The following SH3GL2 variants were observed in gnomAD, a reference collection of about 807,000 sequenced individuals.
The protein encoded by SH3GL2 is SH3 domain containing GRB2 like 2, endophilin A1, also known as endophilin-A1.
SH3GL2 carries 24 observed loss-of-function variants against 46.0 expected under a neutral mutation model. The observed-to-expected ratio is 0.52, with a 90% CI of 0.38 to 0.73. The LOEUF (loss-of-function observed/expected upper bound fraction) is 0.73. Ranked by LOEUF, SH3GL2 falls within the 30% of genes least tolerant of loss-of-function variation. The probability of loss-of-function intolerance (pLI) is 0.00; values close to 1 mark genes in which losing one functional copy is unlikely to be tolerated. For missense variants in SH3GL2, 413 were observed against 424.2 expected (o/e 0.97, Z 0.23); for synonymous variants, 196 against 147.1 (o/e 1.33, Z -2.40).
intron 1 of SH3GL2, among the ~76,000 whole-genome samples, chr9:17,738,654 A>AGAGAGAGATT (rs1348887216): frequency 7.5e-6 from 1 of 133,360 alleles, no homozygotes; most frequent in Non-Finnish European, 1.7e-5. Flanking sequence ...AGAGAGAGAG[A>AGAGAGAGATT]GAGAGAGAGA....
intron 1 of SH3GL2, among the ~76,000 whole-genome samples, chr9:17,650,531 C>T (rs1454683340): frequency 6.6e-6 from 1 of 151,970 alleles, no homozygotes; most frequent in Non-Finnish European, 1.5e-5. Flanking sequence ...GCCACCACGC[C>T]TGGCTAATTT....
chr9:17,614,013 T>C (rs563999070), intron 1 of SH3GL2, among the ~76,000 whole-genome samples: 49 of 151,986 alleles, frequency 3.2e-4, no homozygotes, highest in African/African-American at 1.1e-3. Context: ...CTTGTCTCCT[T>C]CTCCTTCTTT....
chr9:17,663,368 C>G (rs549520036), intron 1 of SH3GL2, among the ~76,000 whole-genome samples: 3 of 152,062 alleles, frequency 2.0e-5, no homozygotes, highest in African/African-American at 7.2e-5. Flanking sequence ...TTCCTTTTGT[C>G]TGCTTTCCTC....
At chr9:17,768,052 T>G (rs1371825389) in intron 3 of SH3GL2, among the ~76,000 whole-genome samples, 1 of 152,144 alleles carries the variant, frequency 6.6e-6, no homozygotes, top group African/African-American at 2.4e-5. Context: ...AAACAATGAA[T>G]GCTAAAGCCA....
Position 17,787,427 on chromosome 9 carries a change from G to T in SH3GL2, c.379G>T (p.Val127Phe). Residue 127 changes from valine to phenylalanine, a missense_variant, in exon 5 of 9, where the codon GTC becomes TTC. This residue lies in a region of SH3GL2 where 160 missense variants were observed against 192.3 expected (regional missense o/e 0.83). Coordinates refer to ENST00000380607, the MANE Select transcript of SH3GL2 (RefSeq NM_003026.5). ...GGAGGCCATGCGGGAACTGTCGGAG[G>T]TCAAAGACTCTTTGGACATAGAAGT... The part of the protein sequence containing the change: ...VGEAMRELSE[V>F]KDSLDIEVKQ... 1 of 1,612,862 alleles carries T rather than the reference G, an allele frequency of 6.2e-7. No homozygotes were observed. The highest frequency in any genetic ancestry group is 8.5e-7 in the Non-Finnish European group (1 of 1,178,948).
intron 1 of SH3GL2, among the ~76,000 whole-genome samples, chr9:17,731,372 CT>C (rs1822174971): frequency 1.4e-5 from 2 of 146,894 alleles, no homozygotes; most frequent in South Asian, 4.2e-4. Context: ...AATTTGTGCC[CT>C]TAAAAGAAGA....
chr9:17,659,283 A>G (rs1216896366), intron 1 of SH3GL2, among the ~76,000 whole-genome samples: 4 of 152,076 alleles, frequency 2.6e-5, no homozygotes. Flanking sequence ...GGTCTGCAGC[A>G]TTGTCTGTGT....
At chr9:17,615,361 A>T (rs1427479034) in intron 1 of SH3GL2, among the ~76,000 whole-genome samples, 1 of 152,142 alleles carries the variant, frequency 6.6e-6, no homozygotes, top group Non-Finnish European at 1.5e-5. Flanking sequence ...TTGATTTTAA[A>T]ATTTCCCTTC....
At chr9:17,787,261 G>C (rs1287296819) in intron 4 of SH3GL2, 119 bp from the exon 5 acceptor site, 1 of 767,996 alleles carries the variant, frequency 1.3e-6, no homozygotes. Flanking sequence ...ATTCTCTCTT[G>C]TCTGTTGTCT....
chr9:17,654,892 T>C (rs929165960), intron 1 of SH3GL2, among the ~76,000 whole-genome samples: 6 of 152,126 alleles, frequency 3.9e-5, no homozygotes, highest in Non-Finnish European at 8.8e-5. Flanking sequence ...TCCATCTAAA[T>C]TGTTGCTTTT....
intron 1 of SH3GL2, among the ~76,000 whole-genome samples, chr9:17,740,779 T>A (rs1161065220): frequency 6.8e-6 from 1 of 146,778 alleles, no homozygotes. Context: ...TAATAATCCC[T>A]TATTTAAATT....
At chr9:17,774,729 G>A (rs1474816705) in intron 3 of SH3GL2, among the ~76,000 whole-genome samples, 6 of 152,056 alleles carry the variant, frequency 3.9e-5, no homozygotes, top group African/African-American at 1.4e-4. Flanking sequence ...AACAATGATC[G>A]TAAGAGATAT....
intron 1 of SH3GL2, among the ~76,000 whole-genome samples, chr9:17,640,685 C>A (rs762969789): frequency 5.9e-5 from 9 of 152,146 alleles, no homozygotes; most frequent in Non-Finnish European, 1.3e-4. Context: ...CTCCATAACA[C>A]TTCTCATTTC....
At chr9:17,759,741 T>C (rs1044578155) in intron 2 of SH3GL2, among the ~76,000 whole-genome samples, 12 of 152,152 alleles carry the variant, frequency 7.9e-5, no homozygotes, top group African/African-American at 2.7e-4. Flanking sequence ...GACATCAGGA[T>C]ATCAAACAGC....
intron 1 of SH3GL2, among the ~76,000 whole-genome samples, chr9:17,736,218 G>C (rs954636693): frequency 2.0e-5 from 3 of 152,134 alleles, no homozygotes; most frequent in Admixed American, 6.6e-5. Context: ...GGATATGTAT[G>C]TCTGCCCTGT....
In SH3GL2 at chr9:17,795,678, C is replaced by T. The variant is rs1421067149; in HGVS notation, c.994C>T (p.Leu332=). 3 of 1,613,884 alleles carry T rather than the reference C, an allele frequency of 1.9e-6. No homozygotes were observed. The highest frequency in any genetic ancestry group is 2.5e-6 in the Non-Finnish European group (3 of 1,179,912). Reference sequence around the variant, plus strand: ...TGATGAGAACTGGTATGAGGGGATGCTGCATGGCCATTCAGGCTTCTTCCC... The same window carrying T: ...TGATGAGAACTGGTATGAGGGGATGTTGCATGGCCATTCAGGCTTCTTCCC... The part of the protein sequence containing the change: ...QIDENWYEGM[L]HGHSGFFPIN... Residue 332 remains leucine (L), a synonymous_variant, in exon 9 of 9, where the codon CTG becomes TTG. Transcript: ENST00000380607.
At chr9:17,759,847 A>C (rs1284551750) in intron 2 of SH3GL2, among the ~76,000 whole-genome samples, 1 of 152,152 alleles carries the variant, frequency 6.6e-6, no homozygotes, top group Admixed American at 6.6e-5. Context: ...ATTTAGACAC[A>C]TTTGTCATCT....
At chr9:17,695,687 C>G (rs1563816175) in intron 1 of SH3GL2, among the ~76,000 whole-genome samples, 1 of 151,946 alleles carries the variant, frequency 6.6e-6, no homozygotes, top group Non-Finnish European at 1.5e-5. Context: ...ATAATCACAA[C>G]CTCTTTTTTT....
At chr9:17,680,318 G>C (rs971830408) in intron 1 of SH3GL2, among the ~76,000 whole-genome samples, 1 of 152,146 alleles carries the variant, frequency 6.6e-6, no homozygotes, top group African/African-American at 2.4e-5. Context: ...CCTGCTATTA[G>C]TCTGTTCAGG....
Sources: gnomAD v4.1 joint callset for allele counts (sites outside exome capture counted in the v4.1 genomes callset) on GRCh38, gnomAD v4.1.1 for gene constraint, gnomAD v4.1.1 regional missense constraint, MANE v1.5 for transcripts, NCBI Gene and HGNC (gene_info 2026-07-23, HGNC 2026-07-21) for gene names.